Variants in SIRT1 observed in about 807,000 individuals in gnomAD.
The protein encoded by SIRT1 is NAD-dependent protein deacetylase sirtuin-1.
A neutral mutation model predicts 67.9 loss-of-function variants in SIRT1; 24 were observed. The ratio of observed to expected loss-of-function variants is 0.35; its 90% CI spans 0.26 to 0.50. The LOEUF is 0.50. Ranked by LOEUF, SIRT1 falls within the 20% of genes least tolerant of loss-of-function variation. The pLI is 0.98. For synonymous variants in SIRT1, 378 were observed against 350.7 expected (o/e 1.08, Z -0.87); for missense variants, 873 against 937.2 (o/e 0.93, Z 0.89).
chr10:67,900,275 A>C (rs1170370224), intron 4 of SIRT1, among the ~76,000 whole-genome samples: 2 of 151,900 alleles, frequency 1.3e-5, no homozygotes, highest in Non-Finnish European at 1.5e-5. Flanking sequence ...CCTCCCAGGT[A>C]GCTGAGATTA....
At chr10:67,897,033 G>T (rs528931050) in intron 4 of SIRT1, among the ~76,000 whole-genome samples, 2 of 151,796 alleles carry the variant, frequency 1.3e-5, no homozygotes, top group African/African-American at 2.4e-5. Flanking sequence ...GTGCACACCT[G>T]TAATTCCAGC....
chr10:67,903,630 G>A (rs1161647000), intron 4 of SIRT1, among the ~76,000 whole-genome samples: 5 of 151,986 alleles, frequency 3.3e-5, no homozygotes, highest in Admixed American at 2.0e-4. Context: ...CTTGTGATCC[G>A]CCGACCTCGG....
At chr10:67,889,179 A>G (rs1842531093) in intron 3 of SIRT1, 56 bp downstream of exon 3, 1 of 1,499,328 alleles carries the variant, frequency 6.7e-7, no homozygotes, top group Non-Finnish European at 8.9e-7. Flanking sequence ...TGCCTTTTCC[A>G]AGTAGGAAAC....
chr10:67,890,256 A>G (rs1471458371), intron 3 of SIRT1, among the ~76,000 whole-genome samples: 3 of 151,982 alleles, frequency 2.0e-5, no homozygotes, highest in East Asian at 1.9e-4. Flanking sequence ...GGGTTTCACC[A>G]TATTGGCCAG....
At chr10:67,890,019 G>T (rs954043004) in intron 3 of SIRT1, among the ~76,000 whole-genome samples, 3 of 147,440 alleles carry the variant, frequency 2.0e-5, no homozygotes, top group East Asian at 2.0e-4. Context: ...TTGCTGTGTT[G>T]CCCTGGCTGG....
At chr10:67,906,712 AGTATTTTTTT>A in intron 4 of SIRT1, 68 bp from the exon 5 acceptor site, 1 of 1,341,758 alleles carries the variant, frequency 7.5e-7, no homozygotes. Context: ...TGGGATTATC[AGTATTTTTTT>A]GTTAAACATA....
chr10:67,913,790 A>T (rs1047505184), intron 8 of SIRT1, among the ~76,000 whole-genome samples: 1 of 152,230 alleles, frequency 6.6e-6, no homozygotes, highest in Non-Finnish European at 1.5e-5. Context: ...TTTAAGTCTC[A>T]TTCCATTTAC....
chr10:67,888,203 T>C (rs571874531), intron 2 of SIRT1, among the ~76,000 whole-genome samples: 2 of 152,342 alleles, frequency 1.3e-5, no homozygotes, highest in Admixed American at 6.5e-5. Flanking sequence ...ATACCAAAGG[T>C]ATAACCATCT....
intron 7 of SIRT1, 126 bp from the exon 8 acceptor site, chr10:67,912,348 C>T: frequency 2.6e-6 from 2 of 759,018 alleles, no homozygotes; most frequent in Non-Finnish European, 2.1e-6. Flanking sequence ...GTATTTAGTG[C>T]ATGGGTCTTT....
chr10:67,887,643 C>T lies in SIRT1; in HGVS notation c.547+110C>T, dbSNP rs894292268. ...GGAGGCTGGAGTGCAATGGCGCGAT[C>T]TCGGCTCACCGTACCCTCCGCCTTC... On this transcript the variant is annotated intron_variant, in intron 2 of 8. Coordinates refer to ENST00000212015, the MANE Select transcript of SIRT1 (RefSeq NM_012238.5). The T allele has an allele frequency of 3.5e-5, 23 of 649,004 alleles. No homozygotes were observed. In the South Asian group the frequency reaches 4.0e-4, roughly 11 times the overall value. 40.2% of individuals were successfully genotyped at this position (649,004 alleles called of 1,614,324 possible).
chr10:67,889,803 A>C (rs1430095569), intron 3 of SIRT1, among the ~76,000 whole-genome samples: 1 of 152,168 alleles, frequency 6.6e-6, no homozygotes, highest in Admixed American at 6.5e-5. Flanking sequence ...ACAGATAACG[A>C]TGTAGACAAG....
At chr10:67,914,313 A>G (rs1169381120) in intron 8 of SIRT1, among the ~76,000 whole-genome samples, 1 of 152,048 alleles carries the variant, frequency 6.6e-6, no homozygotes, top group Admixed American at 6.6e-5. Flanking sequence ...CCCATGATCC[A>G]TCCACCTCGG....
rs1842917601 is a variant in SIRT1 at position 67,912,670 on chromosome 10, A to G, written c.1554A>G (p.Gln518=). 2 of 1,614,048 alleles carry G rather than the reference A, an allele frequency of 1.2e-6. No homozygotes were observed. Among genetic ancestry groups the G allele is most frequent in the Admixed American group, 1.7e-5 (1 of 60,004 alleles). Residue 518 remains glutamine (Q), a synonymous_variant, in exon 8 of 9, where the codon CAA becomes CAG. Transcript: ENST00000212015. ...TTACTGAAAAACCTCCACGAACACA[A>G]AAAGAATTGGCTTATTTGTCAGAGT... The part of the protein sequence containing the change: ...SEITEKPPRT[Q]KELAYLSELP...
chr10:67,916,071 C>T (rs1352546140), intron 8 of SIRT1, among the ~76,000 whole-genome samples, 194 bp from the exon 9 acceptor site: 1 of 152,154 alleles, frequency 6.6e-6, no homozygotes, highest in African/African-American at 2.4e-5. Context: ...TCAAGCAGTC[C>T]ACCTGCCTCA....
chr10:67,915,298 A>G (rs1040434526), intron 8 of SIRT1, among the ~76,000 whole-genome samples: 1 of 152,188 alleles, frequency 6.6e-6, no homozygotes. Flanking sequence ...TACTACATCT[A>G]TTATGTGTGA....
chr10:67,914,059 ATTTTTTTTTTTTTTT>A (rs57073724), intron 8 of SIRT1, among the ~76,000 whole-genome samples: 103 of 88,252 alleles, frequency 1.2e-3, no homozygotes, highest in Non-Finnish European at 1.7e-3. Context: ...CAAAAGGTAG[ATTTTTTTTTTTTTTT>A]TTTTTTTTTT....
chr10:67,890,760 G>A (rs1225298519), intron 3 of SIRT1, among the ~76,000 whole-genome samples: 2 of 151,668 alleles, frequency 1.3e-5, no homozygotes, highest in Non-Finnish European at 2.9e-5. Context: ...GCCGGGCGCG[G>A]TGGCTCACAC....
intron 7 of SIRT1, among the ~76,000 whole-genome samples, chr10:67,911,306 A>C (rs1300637836): frequency 6.6e-6 from 1 of 152,052 alleles, no homozygotes; most frequent in Non-Finnish European, 1.5e-5. Flanking sequence ...CAGTCCTTCC[A>C]CTTCAGCTTC....
intron 4 of SIRT1, among the ~76,000 whole-genome samples, chr10:67,900,689 C>T (rs764694104): frequency 2.6e-5 from 4 of 152,114 alleles, no homozygotes; most frequent in Non-Finnish European, 2.9e-5. Context: ...AGTGATTCTG[C>T]TGCCTCAGCT....
Sources: gnomAD v4.1 joint callset for allele counts (sites outside exome capture counted in the v4.1 genomes callset) on GRCh38, gnomAD v4.1.1 for gene constraint, MANE v1.5 for transcripts, NCBI Gene and HGNC (gene_info 2026-07-23, HGNC 2026-07-21) for gene names.